Variants in RTTN observed in about 807,000 individuals in gnomAD.
The protein encoded by RTTN is rotatin.
RTTN carries 182 observed loss-of-function variants against 269.2 expected under a neutral mutation model. That is an observed-to-expected ratio of 0.68 (90% CI 0.60 to 0.76). The LOEUF is 0.76. Among genes scored for constraint, RTTN ranks in the 30% least tolerant of loss-of-function variants. The pLI is 0.00. For missense variants in RTTN, 2,545 were observed against 2,608.6 expected (o/e 0.98, Z 0.53); for synonymous variants, 1,006 against 963.5 (o/e 1.04, Z -0.82).
At chr18:70,186,080 CA>C (rs59754982) in intron 10 of RTTN, among the ~76,000 whole-genome samples, 4,111 of 112,516 alleles carry the variant, frequency 0.037, 65 homozygotes, top group Non-Finnish European at 0.051. Context: ...CTCTCCCCCC[CA>C]AAAAAAAAAA....
chr18:70,078,785 C>T (rs190991036), intron 32 of RTTN, among the ~76,000 whole-genome samples: 79 of 152,026 alleles, frequency 5.2e-4, no homozygotes, highest in African/African-American at 1.7e-3. Context: ...ACATAATCAA[C>T]GCTCACAAAG....
intron 32 of RTTN, among the ~76,000 whole-genome samples, chr18:70,076,715 A>G (rs1281485381): frequency 1.3e-5 from 2 of 152,042 alleles, no homozygotes; most frequent in Non-Finnish European, 2.9e-5. Context: ...ACTGTAATGA[A>G]CAGCCAGCAC....
intron 35 of RTTN, among the ~76,000 whole-genome samples, chr18:70,062,227 G>A (rs1298295796): frequency 6.6e-6 from 1 of 152,022 alleles, no homozygotes; most frequent in Non-Finnish European, 1.5e-5. Flanking sequence ...CCATGTTATT[G>A]TTTCCCATTT....
At chr18:70,049,713 TA>T (rs955203551) in intron 39 of RTTN, among the ~76,000 whole-genome samples, 8 of 152,304 alleles carry the variant, frequency 5.3e-5, no homozygotes, top group African/African-American at 1.9e-4. Context: ...ATATTTATGT[TA>T]AAAAACAGCT....
chr18:70,134,866 G>A (rs2060086362), intron 22 of RTTN, among the ~76,000 whole-genome samples: 1 of 151,928 alleles, frequency 6.6e-6, no homozygotes, highest in Admixed American at 6.6e-5. Context: ...ATCTTCCGAG[G>A]TTTTTTAAAA....
chr18:70,144,165 A>G (rs190779223), intron 18 of RTTN, among the ~76,000 whole-genome samples: 148 of 152,242 alleles, frequency 9.7e-4, no homozygotes, highest in Non-Finnish European at 1.9e-3. Context: ...CTTAATATAC[A>G]TTTTTGCTAG....
chr18:70,155,420 C>T (rs1452060957), intron 14 of RTTN, among the ~76,000 whole-genome samples: 1 of 152,178 alleles, frequency 6.6e-6, no homozygotes, highest in Non-Finnish European at 1.5e-5. Flanking sequence ...ATAATCTAAA[C>T]AAGATTATAA....
chr18:70,043,917 C>T (rs1240051117), intron 40 of RTTN, among the ~76,000 whole-genome samples: 1 of 152,168 alleles, frequency 6.6e-6, no homozygotes, highest in Non-Finnish European at 1.5e-5. Flanking sequence ...AGCCTGGAGG[C>T]AGCAAGGCTG....
At chr18:70,154,952 A>C (rs2060635381) in intron 14 of RTTN, among the ~76,000 whole-genome samples, 2 of 152,194 alleles carry the variant, frequency 1.3e-5, no homozygotes, top group Admixed American at 1.3e-4. Context: ...TAGTCATTTC[A>C]CACATTCAAC....
At position 70,199,455 on chromosome 18, in the gene RTTN, G is replaced by A. The variant is rs1433504554; in HGVS notation, c.537C>T (p.Pro179=). 2 of 1,613,096 alleles carry A rather than the reference G, an allele frequency of 1.2e-6. No homozygotes were observed. Among genetic ancestry groups the A allele is most frequent in the African/African-American group, 1.3e-5 (1 of 74,954 alleles). ...GGACATGTCTGTCTGTGGTGGTCAG[G>A]GGTAGCCAAGGAAATGTAGAAAACT... The part of the protein sequence containing the change: ...CLKFSTFPWL[P]LTTTDRHVLS... The change falls in exon 5 of 49, where the codon CCC becomes CCT. Residue 179 remains proline, a synonymous_variant. Transcript: ENST00000640769.
At chr18:70,090,176 C>T (rs1409857200) in intron 30 of RTTN, among the ~76,000 whole-genome samples, 1 of 152,158 alleles carries the variant, frequency 6.6e-6, no homozygotes, top group African/African-American at 2.4e-5. Flanking sequence ...GTTGGACTTC[C>T]TGGATTCTGT....
intron 10 of RTTN, 111 bp downstream of exon 10, chr18:70,187,997 T>C: frequency 1.5e-6 from 1 of 651,404 alleles, no homozygotes; most frequent in South Asian, 2.0e-5. Context: ...ACATATTGAG[T>C]CAAAAAGAAA....
At chr18:70,053,738 T>C (rs1343663638) in intron 38 of RTTN, among the ~76,000 whole-genome samples, 3 of 152,258 alleles carry the variant, frequency 2.0e-5, no homozygotes, top group East Asian at 1.9e-4. Context: ...AAAATATATA[T>C]ACATTTCAAT....
chr18:70,034,066 T>C (rs1050012143), intron 40 of RTTN, among the ~76,000 whole-genome samples: 12 of 151,994 alleles, frequency 7.9e-5, no homozygotes, highest in African/African-American at 2.2e-4. Context: ...CAGAAATAAA[T>C]AGCCTGCACA....
At chr18:70,030,855 C>T in intron 41 of RTTN, 21 bp downstream of exon 41, 1 of 1,552,488 alleles carries the variant, frequency 6.4e-7, no homozygotes, top group South Asian at 1.2e-5. Flanking sequence ...ATCAAAACAG[C>T]TGATGTGTCA....
chr18:70,103,823 T>C (rs1321049378), intron 28 of RTTN, among the ~76,000 whole-genome samples: 1 of 150,752 alleles, frequency 6.6e-6, no homozygotes, highest in Non-Finnish European at 1.5e-5. Context: ...GCCCCCACTC[T>C]CTTCTGGCTT....
chr18:70,181,992 T>C (rs1398295953), intron 10 of RTTN, among the ~76,000 whole-genome samples: 2 of 152,156 alleles, frequency 1.3e-5, no homozygotes, highest in African/African-American at 4.8e-5. Flanking sequence ...ATAAATGTTC[T>C]GGCCAAGAAA....
Position 70,020,792 on chromosome 18 carries a change from AC to A in RTTN, c.5975del (p.Ser1992IlefsTer15), listed in dbSNP as rs1289149481. ...TAGCTTGAACAGGGTGTTGTCCACA[AC>A]TTGACCAACAAAGAGAACTGCAACC... ...PNGCSSLCWSSCGQHPVQATH... is the reference protein window; with the variant it reads ...PNGCSSLCWSXCGQHPVQATH... On this transcript the variant is annotated frameshift_variant, in exon 45 of 49. Transcript: ENST00000640769. LOFTEE classifies it high-confidence loss of function. 3 of 1,612,968 alleles carry A rather than the reference AC, an allele frequency of 1.9e-6. No homozygotes were observed. Among genetic ancestry groups the A allele is most frequent in the South Asian group, 2.2e-5 (2 of 90,988 alleles).
At chr18:70,147,739 T>C (rs1359363306) in intron 17 of RTTN, among the ~76,000 whole-genome samples, 1 of 152,136 alleles carries the variant, frequency 6.6e-6, no homozygotes, top group Non-Finnish European at 1.5e-5. Context: ...AGATCTGGCC[T>C]TTCCTTGCAC....
Sources: allele counts gnomAD v4.1 joint callset (sites outside exome capture counted in the v4.1 genomes callset), GRCh38; gene constraint gnomAD v4.1.1; transcripts MANE v1.5; gene names NCBI Gene and HGNC (gene_info 2026-07-23, HGNC 2026-07-21).